The following OGFOD1 variants were observed in gnomAD, a reference collection of about 807,000 sequenced individuals.
The protein encoded by OGFOD1 is prolyl 3-hydroxylase OGFOD1.
In OGFOD1, 54 loss-of-function variants were observed where a neutral mutation model predicts 67.7. The observed-to-expected ratio is 0.80, with a 90% CI of 0.64 to 1.00. The LOEUF is 1.00. Among genes scored for constraint, OGFOD1 ranks in the 50% least tolerant of loss-of-function variants. OGFOD1 has a pLI of 0.00. For synonymous variants in OGFOD1, 221 were observed against 227.0 expected (o/e 0.97, Z 0.24); for missense variants, 606 against 646.7 (o/e 0.94, Z 0.68).
chr16:56,474,531 G>A (rs1224962460), intron 10 of OGFOD1, among the ~76,000 whole-genome samples: 1 of 151,874 alleles, frequency 6.6e-6, no homozygotes, highest in Non-Finnish European at 1.5e-5. Flanking sequence ...TGTTGGTCAG[G>A]CTGGTCTTGA....
At chr16:56,465,525 TC>T (rs1201579645) in intron 4 of OGFOD1, 3 of 152,218 alleles carry the variant, frequency 2.0e-5, no homozygotes, top group African/African-American at 7.2e-5. Context: ...ACCATAGCCT[TC>T]CCTCCCTCTC....
chr16:56,457,280 G>A (rs1432546231), intron 2 of OGFOD1, among the ~76,000 whole-genome samples: 1 of 152,194 alleles, frequency 6.6e-6, no homozygotes, highest in Non-Finnish European at 1.5e-5. Context: ...GATGAACCTT[G>A]AAAACATTAG....
rs764115076 is a variant in OGFOD1 at position 56,453,413 on chromosome 16, T to G, written c.300+5T>G. The G allele has an allele frequency of 6.2e-7, 1 of 1,608,488 alleles. No individual in the cohort carries two copies. Among genetic ancestry groups the G allele is most frequent in the Non-Finnish European group, 8.5e-7 (1 of 1,177,646 alleles). ...GATTTATATAAGTTCCAGCAGGTAT[T>G]TATTCCCCTGCCACATTAACTCTTC... is the stretch of plus-strand genomic sequence containing the variant. On this transcript the variant is annotated splice_donor_5th_base_variant and intron_variant, in intron 2 of 12. Coordinates refer to ENST00000566157, the MANE Select transcript of OGFOD1 (RefSeq NM_018233.4).
intron 2 of OGFOD1, among the ~76,000 whole-genome samples, chr16:56,457,900 G>A (rs1027579767): frequency 1.1e-4 from 17 of 152,062 alleles, no homozygotes; most frequent in African/African-American, 1.7e-4. Context: ...GGCTGGTCTC[G>A]AACTCCTGAC....
In OGFOD1 at chr16:56,451,578, G is replaced by A. The variant is rs779934695; in HGVS notation, c.-35G>A. 13 of 1,611,014 alleles carry A rather than the reference G, an allele frequency of 8.1e-6. No homozygotes were observed. The Middle Eastern group carries it at 4.9e-4, about 61-fold the overall frequency. On this transcript the variant is annotated 5_prime_UTR_variant, in exon 1 of 13. Transcript: ENST00000566157. ...AGTACCCTCAGGAAGGTAGCGTCTT[G>A]ATCTGCGTGGCGTGGTTCTGTGCCT...
intron 10 of OGFOD1, among the ~76,000 whole-genome samples, chr16:56,471,765 A>G (rs1455269343): frequency 6.6e-6 from 1 of 152,242 alleles, no homozygotes; most frequent in East Asian, 1.9e-4. Flanking sequence ...TGGCCACTGC[A>G]GATATTTAGT....
At chr16:56,462,932 C>T (rs1203614203) in intron 4 of OGFOD1, among the ~76,000 whole-genome samples, 2 of 152,190 alleles carry the variant, frequency 1.3e-5, no homozygotes, top group African/African-American at 4.8e-5. Flanking sequence ...TATATAAACT[C>T]TATTCTTAGA....
chr16:56,453,287 CT>C lies in OGFOD1; in HGVS notation c.183del (p.Leu62PhefsTer4), dbSNP rs1230166008. On this transcript the variant is annotated frameshift_variant, in exon 2 of 13. Coordinates refer to ENST00000566157, the MANE Select transcript of OGFOD1 (RefSeq NM_018233.4). LOFTEE classifies it high-confidence loss of function. ...SHEVIVMDMD[P>X]FLHCVIPNFI... Reference sequence around the variant, plus strand: ...GAAGTCATTGTCATGGACATGGACCCTTTTCTTCACTGTGTGATCCCAAACT... The same window carrying C: ...GAAGTCATTGTCATGGACATGGACCCTTTCTTCACTGTGTGATCCCAAACT... 1 of 1,613,648 alleles carries C rather than the reference CT, an allele frequency of 6.2e-7. No homozygotes were observed. Among genetic ancestry groups the C allele is most frequent in the Admixed American group, 1.7e-5 (1 of 59,896 alleles).
chr16:56,458,842 A>G, intron 3 of OGFOD1: 1 of 475,056 alleles, frequency 2.1e-6, no homozygotes, highest in Non-Finnish European at 3.8e-6. Flanking sequence ...CTTGTTAGTA[A>G]TCAAGGAAAC....
chr16:56,475,585 AAACT>A lies in OGFOD1; in HGVS notation c.1467+22_1467+25del. ...GAAGAGGTAAGTTTCTTCTGATAGCAAACTATCATTTTTAGTTATTGAGAATGCT... is the reference window on the plus strand; with the variant it reads ...GAAGAGGTAAGTTTCTTCTGATAGCAATCATTTTTAGTTATTGAGAATGCT... On this transcript the variant is annotated intron_variant, in intron 12 of 12. Transcript: ENST00000566157. 1 of 1,607,198 alleles carries A rather than the reference AAACT, an allele frequency of 6.2e-7. No individual in the cohort carries two copies.
intron 10 of OGFOD1, among the ~76,000 whole-genome samples, chr16:56,472,990 G>A (rs1401441223): frequency 1.3e-5 from 2 of 152,264 alleles, no homozygotes; most frequent in East Asian, 3.9e-4. Flanking sequence ...AAGTGCAGTG[G>A]CATGATCTCG....
At chr16:56,453,884 G>A (rs191542773) in intron 2 of OGFOD1, among the ~76,000 whole-genome samples, 17 of 152,286 alleles carry the variant, frequency 1.1e-4, no homozygotes, top group African/African-American at 4.1e-4. Flanking sequence ...GATCTTTCCA[G>A]TTGCTCAGGC....
At chr16:56,467,469 C>T (rs1962954059) in intron 7 of OGFOD1, among the ~76,000 whole-genome samples, 176 bp downstream of exon 7, 1 of 150,576 alleles carries the variant, frequency 6.6e-6, no homozygotes, top group African/African-American at 2.4e-5. Flanking sequence ...CTCCGTCACC[C>T]AGGCTGGAGT....
Position 56,458,099 on chromosome 16 carries a change from T to C in OGFOD1, c.301-449T>C, listed in dbSNP as rs567491674. 95 of 187,800 alleles carry C rather than the reference T, an allele frequency of 5.1e-4. 1 individual carries two copies. In the South Asian group the frequency reaches 9.3e-3, roughly 18 times the overall value. 11.6% of individuals were successfully genotyped at this position (187,800 alleles called of 1,614,324 possible). On this transcript the variant is annotated intron_variant, in intron 2 of 12. Transcript: ENST00000566157. ...ACCTTGAATGCTTTGTGCCTTGATA[T>C]TGCCTTGCCACACTTCCCAGCCTCC...
intron 1 of OGFOD1, 130 bp downstream of exon 1, chr16:56,451,896 C>A: frequency 1.0e-6 from 1 of 956,714 alleles, no homozygotes; most frequent in Non-Finnish European, 1.5e-6. Flanking sequence ...CTTTGGCCAC[C>A]TCCTACTCTC....
chr16:56,475,944 T>TATGCTC, intron 12 of OGFOD1, 100 bp from the exon 13 acceptor site: 1 of 1,109,500 alleles, frequency 9.0e-7, no homozygotes, highest in Middle Eastern at 2.6e-4. Flanking sequence ...TATCCCCAGA[T>TATGCTC]TAAGTGCTTG....
At chr16:56,464,365 T>G (rs1249905079) in intron 4 of OGFOD1, among the ~76,000 whole-genome samples, 1 of 152,164 alleles carries the variant, frequency 6.6e-6, no homozygotes, top group Non-Finnish European at 1.5e-5. Flanking sequence ...CAGTATATAT[T>G]TTGTGGGGAG....
At chr16:56,470,165 T>A in intron 9 of OGFOD1, 83 bp downstream of exon 9, 1 of 1,265,760 alleles carries the variant, frequency 7.9e-7, no homozygotes, top group Non-Finnish European at 1.1e-6. Flanking sequence ...ACAAAAAGCC[T>A]AAAGGAAAAA....
At chr16:56,464,513 A>G (rs775282673) in intron 4 of OGFOD1, among the ~76,000 whole-genome samples, 10 of 152,266 alleles carry the variant, frequency 6.6e-5, no homozygotes, top group African/African-American at 1.4e-4. Flanking sequence ...ATTTCTCTAC[A>G]TTTATTGTCA....
Sources: allele counts gnomAD v4.1 joint callset (sites outside exome capture counted in the v4.1 genomes callset), GRCh38; gene constraint gnomAD v4.1.1; transcripts MANE v1.5; gene names NCBI Gene and HGNC (gene_info 2026-07-23, HGNC 2026-07-21).